FBXL17: variants seen among roughly 807,000 people sequenced by gnomAD.
FBXL17 encodes F-box and leucine rich repeat protein 17.
A neutral mutation model predicts 66.2 loss-of-function variants in FBXL17; 22 were observed. That is an observed-to-expected ratio of 0.33 (90% CI 0.24 to 0.47). The LOEUF (loss-of-function observed/expected upper bound fraction) is 0.47, where lower values mean the gene tolerates loss of function less well. Ranked by LOEUF, FBXL17 falls within the 20% of genes least tolerant of loss-of-function variation. The pLI is 1.00. For synonymous variants in FBXL17, 474 were observed against 400.5 expected, an observed-to-expected ratio of 1.18 and a Z score of -2.19; for missense variants, 878 against 948.2, an observed-to-expected ratio of 0.93 and a Z score of 0.97.
At chr5:108,232,804 T>TATATATATAA (rs1252750270) in intron 4 of FBXL17, among the ~76,000 whole-genome samples, 4 of 112,034 alleles carry the variant, frequency 3.6e-5, no homozygotes, top group African/African-American at 1.6e-4. Flanking sequence ...TATATATATA[T>TATATATATAA]AATATATACT....
At chr5:108,165,164 A>G (rs1046597493) in intron 6 of FBXL17, among the ~76,000 whole-genome samples, 2 of 152,252 alleles carry the variant, frequency 1.3e-5, no homozygotes, top group African/African-American at 2.4e-5. Flanking sequence ...TGTTAAATAC[A>G]CTGTGCTAAA....
chr5:108,322,622 A>C (rs1034924470), intron 4 of FBXL17, among the ~76,000 whole-genome samples: 10 of 151,974 alleles, frequency 6.6e-5, no homozygotes, highest in African/African-American at 2.4e-4. Flanking sequence ...AAATAATTAC[A>C]TTTTTGAACC....
At chr5:108,133,442 A>C (rs1751013375) in intron 6 of FBXL17, among the ~76,000 whole-genome samples, 1 of 152,162 alleles carries the variant, frequency 6.6e-6, no homozygotes, top group Non-Finnish European at 1.5e-5. Context: ...ACTATTTGAA[A>C]TTATGAGAGA....
intron 5 of FBXL17, among the ~76,000 whole-genome samples, chr5:108,212,036 T>C (rs1267733607): frequency 6.6e-6 from 1 of 152,198 alleles, no homozygotes; most frequent in Non-Finnish European, 1.5e-5. Context: ...TTTTTATTCT[T>C]TTCTCTAATA....
chr5:108,088,271 T>A (rs1390187697), intron 6 of FBXL17, among the ~76,000 whole-genome samples: 1 of 152,164 alleles, frequency 6.6e-6, no homozygotes, highest in Non-Finnish European at 1.5e-5. Flanking sequence ...CATCAAAACA[T>A]TTCTTGCTGT....
Position 107,908,868 on chromosome 5 carries a change from G to A in FBXL17, c.1823-27689C>T, listed in dbSNP as rs186073385. ...AAATGCCAGTTTGAGAAGTTGAACT[G>A]TATTAATGGCCCCCAAAGCCTCAGG... On this transcript the variant is annotated intron_variant, in intron 7 of 8. Coordinates refer to ENST00000542267, the MANE Select transcript of FBXL17 (RefSeq NM_001163315.3). 7.7e-3 allele frequency among the ~76,000 whole-genome samples: 1,165 copies of A among 152,256 alleles called. 4 individuals carry two copies. Among genetic ancestry groups the A allele is most frequent in the Non-Finnish European group, 0.013 (873 of 67,996 alleles).
chr5:108,022,686 C>T (rs1427030642), intron 6 of FBXL17, among the ~76,000 whole-genome samples: 1 of 152,080 alleles, frequency 6.6e-6, no homozygotes, highest in Non-Finnish European at 1.5e-5. Context: ...GTGCAATATC[C>T]TATTTATCTT....
intron 4 of FBXL17, among the ~76,000 whole-genome samples, chr5:108,328,647 A>C (rs1438618961): frequency 6.6e-6 from 1 of 152,020 alleles, no homozygotes; most frequent in African/African-American, 2.4e-5. Context: ...AATTAGCAGG[A>C]GGCTTTCAGT....
chr5:107,898,653 A>G (rs1047304996), intron 7 of FBXL17, among the ~76,000 whole-genome samples: 6 of 151,980 alleles, frequency 3.9e-5, no homozygotes, highest in Non-Finnish European at 8.8e-5. Flanking sequence ...CCGGTGTGTG[A>G]TGTTCCCCTC....
At chr5:108,091,407 C>T (rs952740583) in intron 6 of FBXL17, among the ~76,000 whole-genome samples, 1 of 152,130 alleles carries the variant, frequency 6.6e-6, no homozygotes, top group African/African-American at 2.4e-5. Context: ...AACAAAAGAT[C>T]GCATTTCTCT....
intron 7 of FBXL17, among the ~76,000 whole-genome samples, chr5:108,016,629 T>G (rs1210629644): frequency 1.3e-5 from 2 of 152,174 alleles, no homozygotes; most frequent in East Asian, 1.9e-4. Flanking sequence ...TCCCGTTCAG[T>G]ACACCATATG....
intron 8 of FBXL17, among the ~76,000 whole-genome samples, chr5:107,874,604 CCATTTCACCTCTTTTATAAAGTT>C (rs1748558906): frequency 6.6e-6 from 1 of 152,164 alleles, no homozygotes; most frequent in Non-Finnish European, 1.5e-5. Flanking sequence ...TAGTGCTCAA[CCATTTCACCTCTTTTATAAAGTT>C]CCACATCAGT....
At chr5:107,861,950 T>TTC in intron 8 of FBXL17, 90 bp from the exon 9 acceptor site, 1 of 1,325,436 alleles carries the variant, frequency 7.5e-7, no homozygotes, top group Non-Finnish European at 9.8e-7. Context: ...GCTGGCTCAC[T>TTC]GTGACACGAA....
In FBXL17 at chr5:108,181,072, C is replaced by G. The variant is rs570570993; in HGVS notation, c.1745+5045G>C. Among the ~76,000 whole-genome samples the G allele has an allele frequency of 1.5e-3, 225 of 152,154 alleles. 1 individual carries two copies. Among genetic ancestry groups the G allele is most frequent in the Middle Eastern group, 3.4e-3 (1 of 294 alleles). On this transcript the variant is annotated intron_variant, in intron 6 of 8. Coordinates refer to ENST00000542267, the MANE Select transcript of FBXL17 (RefSeq NM_001163315.3). ...TATTAACAAAAAAAGAATAAAAGAACCATTATAAGTATATTGCTATAACAA... is the reference window on the plus strand; with the variant it reads ...TATTAACAAAAAAAGAATAAAAGAAGCATTATAAGTATATTGCTATAACAA...
intron 5 of FBXL17, among the ~76,000 whole-genome samples, chr5:108,219,128 C>T (rs935998203): frequency 1.3e-5 from 2 of 152,084 alleles, no homozygotes; most frequent in African/African-American, 2.4e-5. Flanking sequence ...GTGTCTTTAT[C>T]AAGTTTTTAA....
rs147693854 is a variant in FBXL17, at chr5:108,309,591, C to T, written c.1506+38808G>A. On this transcript the variant is annotated intron_variant, in intron 4 of 8. Coordinates refer to ENST00000542267, the MANE Select transcript of FBXL17 (RefSeq NM_001163315.3). ...TACATTATTTCCCAGCCATAAATAA[C>T]TAATGTTCTATTTGATTATTTATCT... is the stretch of plus-strand genomic sequence containing the variant. Among the ~76,000 whole-genome samples, 1,188 of 152,018 alleles carry T rather than the reference C, an allele frequency of 7.8e-3. 15 individuals are homozygous for T. The highest frequency in any genetic ancestry group is 0.031 in the Middle Eastern group (9 of 294).
At chr5:108,318,993 T>C (rs563761354) in intron 4 of FBXL17, among the ~76,000 whole-genome samples, 2 of 151,996 alleles carry the variant, frequency 1.3e-5, no homozygotes, top group East Asian at 1.9e-4. Flanking sequence ...TGACTGACTA[T>C]GACTGAGTTC....
chr5:108,065,874 C>G (rs915843441), intron 6 of FBXL17, among the ~76,000 whole-genome samples: 5 of 151,978 alleles, frequency 3.3e-5, no homozygotes, highest in African/African-American at 9.7e-5. Context: ...CTATCTGAAC[C>G]GGAAATCCTA....
intron 3 of FBXL17, among the ~76,000 whole-genome samples, chr5:108,351,188 G>C (rs189556885): frequency 9.1e-4 from 138 of 151,968 alleles, no homozygotes; most frequent in Non-Finnish European, 1.6e-3. Flanking sequence ...AAAAAGATAG[G>C]TACATAATTA....
Sources: gnomAD v4.1 joint callset for allele counts (sites outside exome capture counted in the v4.1 genomes callset) on GRCh38, gnomAD v4.1.1 for gene constraint, MANE v1.5 for transcripts, NCBI Gene and HGNC (gene_info 2026-07-23, HGNC 2026-07-21) for gene names.